The following CLVS2 variants were observed in gnomAD, a reference collection of about 807,000 sequenced individuals.
The protein encoded by CLVS2 is clavesin-2.
Under a neutral mutation model 29.0 loss-of-function variants are expected in CLVS2, and 19 were observed. That is an observed-to-expected ratio of 0.66 (90% CI 0.46 to 0.96). CLVS2 has a LOEUF of 0.96. Among genes scored for constraint, CLVS2 ranks in the 40% least tolerant of loss-of-function variants. The probability of loss-of-function intolerance (pLI) is 0.00; values close to 1 mark genes in which losing one functional copy is unlikely to be tolerated. For missense variants in CLVS2, 294 were observed against 404.1 expected, an observed-to-expected ratio of 0.73 and a Z score of 2.34; for synonymous variants, 161 against 151.3, an observed-to-expected ratio of 1.06 and a Z score of -0.47.
intron 1 of CLVS2, among the ~76,000 whole-genome samples, chr6:122,996,961 G>A (rs1432376081): frequency 2.0e-5 from 3 of 148,420 alleles, no homozygotes; most frequent in African/African-American, 7.4e-5. Context: ...GGCAGAAGTT[G>A]GGGGTGGGGT....
At position 122,997,657 on chromosome 6, in the gene CLVS2, A is replaced by C. The variant is rs1298519964; in HGVS notation, c.-121A>C. 7.9e-6 allele frequency: 7 copies of C among 883,702 alleles called. No homozygotes were observed. The highest frequency in any genetic ancestry group is 1.7e-5 in the African/African-American group (1 of 58,974). The allele number at this position is 883,702 out of a possible 1,614,324, so 54.7% of individuals were successfully genotyped here. Reference sequence around the variant, plus strand: ...GACACCAAGATTATTAATTTCCTGTAGGGGAGAGGAAGCAGGCAGCAGGAG... The same window carrying C: ...GACACCAAGATTATTAATTTCCTGTCGGGGAGAGGAAGCAGGCAGCAGGAG... On this transcript the variant is annotated 5_prime_UTR_variant, in exon 2 of 6. Coordinates refer to ENST00000275162, the MANE Select transcript of CLVS2 (RefSeq NM_001010852.4).
intron 2 of CLVS2, among the ~76,000 whole-genome samples, chr6:123,000,287 A>G (rs1774573373): frequency 6.6e-6 from 1 of 152,142 alleles, no homozygotes; most frequent in Non-Finnish European, 1.5e-5. Flanking sequence ...CTTAGTCAAA[A>G]TTTCAGTTGA....
intron 3 of CLVS2, among the ~76,000 whole-genome samples, chr6:123,040,971 A>G (rs1478145422): frequency 6.6e-6 from 1 of 152,086 alleles, no homozygotes; most frequent in Middle Eastern, 3.2e-3. Flanking sequence ...CAAAACTCTC[A>G]TTTTTCCATA....
At chr6:123,025,741 C>G (rs2114327083) in intron 3 of CLVS2, among the ~76,000 whole-genome samples, 1 of 152,286 alleles carries the variant, frequency 6.6e-6, no homozygotes, top group African/African-American at 2.4e-5. Flanking sequence ...AAATACTTTA[C>G]CCATTTCCTC....
chr6:123,025,486 A>C (rs1774988034), intron 3 of CLVS2, among the ~76,000 whole-genome samples: 1 of 152,158 alleles, frequency 6.6e-6, no homozygotes, highest in South Asian at 2.1e-4. Flanking sequence ...ATGAACATAT[A>C]TGAAGCAAGT....
intron 2 of CLVS2, among the ~76,000 whole-genome samples, chr6:123,000,051 A>G (rs1228609698): frequency 6.6e-6 from 1 of 152,184 alleles, no homozygotes; most frequent in Non-Finnish European, 1.5e-5. Flanking sequence ...TATAATGGAA[A>G]CGGAGTTAAT....
chr6:123,038,766 A>T (rs1193036460), intron 3 of CLVS2, among the ~76,000 whole-genome samples: 1 of 152,052 alleles, frequency 6.6e-6, no homozygotes, highest in Non-Finnish European at 1.5e-5. Context: ...GATATTACAT[A>T]TTATAAACAC....
chr6:123,028,803 A>G (rs1775039835), intron 3 of CLVS2, among the ~76,000 whole-genome samples: 1 of 151,932 alleles, frequency 6.6e-6, no homozygotes, highest in Non-Finnish European at 1.5e-5. Flanking sequence ...CTTTCTCTTC[A>G]TGACGTAGTT....
chr6:123,023,708 C>A (rs1774956555), intron 3 of CLVS2, among the ~76,000 whole-genome samples: 1 of 152,056 alleles, frequency 6.6e-6, no homozygotes, highest in Admixed American at 6.6e-5. Context: ...AGGATATAGT[C>A]CAATCACAGT....
In CLVS2 at chr6:123,068,066, T is replaced by C. The variant is rs1772890097; in HGVS notation, c.*4305T>C. On this transcript the variant is annotated 3_prime_UTR_variant, in exon 6 of 6. Coordinates refer to ENST00000275162, the MANE Select transcript of CLVS2 (RefSeq NM_001010852.4). ...TTTTATAAATATTTGGAGGTTAACA[T>C]AGGACATGAAAATAGTGCTGTGGAT... 6.6e-6 allele frequency: 1 copy of C among 151,632 alleles called. No homozygotes were observed. The highest frequency in any genetic ancestry group is 1.5e-5 in the Non-Finnish European group (1 of 67,676). 9.4% of individuals were successfully genotyped at this position (151,632 alleles called of 1,614,324 possible). A position where few individuals can be genotyped will look rare whatever the true frequency, so the allele number is the denominator to read the frequency against.
intron 3 of CLVS2, among the ~76,000 whole-genome samples, chr6:123,026,349 T>G (rs907503714): frequency 6.6e-6 from 1 of 152,162 alleles, no homozygotes; most frequent in African/African-American, 2.4e-5. Flanking sequence ...TCTAAAATCT[T>G]TATTTCAAAG....
chr6:123,008,979 C>T (rs1239968524), intron 2 of CLVS2, among the ~76,000 whole-genome samples: 1 of 152,028 alleles, frequency 6.6e-6, no homozygotes, highest in Non-Finnish European at 1.5e-5. Context: ...TTTTATAATA[C>T]TAATAGCCTA....
At chr6:123,013,812 C>T (rs1774787386) in intron 3 of CLVS2, among the ~76,000 whole-genome samples, 1 of 151,170 alleles carries the variant, frequency 6.6e-6, no homozygotes, top group Non-Finnish European at 1.5e-5. Flanking sequence ...CCTCCCTCCT[C>T]CCCCCACCCC....
intron 3 of CLVS2, among the ~76,000 whole-genome samples, chr6:123,030,183 T>A (rs1460205411): frequency 6.6e-6 from 1 of 152,238 alleles, no homozygotes; most frequent in East Asian, 1.9e-4. Flanking sequence ...GAATTTTAAA[T>A]GGGCTGTTAA....
chr6:123,011,163 G>A lies in CLVS2; in HGVS notation c.564+4G>A, dbSNP rs779775195. On this transcript the variant is annotated splice_donor_region_variant and intron_variant, in intron 3 of 5. Transcript: ENST00000275162. The stretch of plus-strand genomic sequence containing the variant: ...ATTAGCTATTGAAGGCCTGCAGGTA[G>A]GATATGGAAATTACCTACTTCCTTG... 11 of 1,549,966 alleles carry A rather than the reference G, an allele frequency of 7.1e-6. No individual in the cohort carries two copies. The highest frequency in any genetic ancestry group is 9.6e-6 in the Non-Finnish European group (11 of 1,143,500).
chr6:123,048,221 T>C (rs920881723), intron 3 of CLVS2, among the ~76,000 whole-genome samples: 5 of 151,810 alleles, frequency 3.3e-5, no homozygotes, highest in African/African-American at 1.2e-4. Context: ...AAATATTTTA[T>C]TTAAAAAATA....
intron 3 of CLVS2, among the ~76,000 whole-genome samples, chr6:123,028,074 T>G (rs183812635): frequency 1.1e-3 from 172 of 152,276 alleles, no homozygotes; most frequent in African/African-American, 4.0e-3. Flanking sequence ...AAATTCACAG[T>G]TGGACAAATT....
rs1193364511 is a variant in CLVS2, at chr6:123,065,982, A to G, written c.*2221A>G. ...CACTGTCTCCCAGACCCACATTTGG[A>G]AAGTTTGCATTGCATTACTGCTCAT... is the stretch of plus-strand genomic sequence containing the variant. On this transcript the variant is annotated 3_prime_UTR_variant, in exon 6 of 6. Transcript: ENST00000275162. 3 of 151,768 alleles carry G rather than the reference A, an allele frequency of 2.0e-5. No homozygotes were observed. The highest frequency in any genetic ancestry group is 4.4e-5 in the Non-Finnish European group (3 of 67,740). 9.4% of individuals were successfully genotyped at this position (151,768 alleles called of 1,614,324 possible).
intron 3 of CLVS2, among the ~76,000 whole-genome samples, chr6:123,023,705 A>C (rs1177758089): frequency 6.6e-6 from 1 of 152,152 alleles, no homozygotes; most frequent in Non-Finnish European, 1.5e-5. Context: ...CATAGGATAT[A>C]GTCCAATCAC....
Sources: allele counts gnomAD v4.1 joint callset (sites outside exome capture counted in the v4.1 genomes callset), GRCh38; gene constraint gnomAD v4.1.1; transcripts MANE v1.5; gene names NCBI Gene and HGNC (gene_info 2026-07-23, HGNC 2026-07-21).